Variants in NTM observed in about 807,000 individuals in gnomAD.
NTM encodes the protein IgLON family member 2.
NTM carries 13 observed loss-of-function variants against 42.1 expected under a neutral mutation model. The ratio of observed to expected loss-of-function variants is 0.31; its 90% CI spans 0.20 to 0.49. The LOEUF (loss-of-function observed/expected upper bound fraction) is 0.49. Ranked by LOEUF, NTM falls within the 20% of genes least tolerant of loss-of-function variation. The pLI, the probability that NTM is intolerant of heterozygous loss-of-function variation, is 0.99. For synonymous variants in NTM, 187 were observed against 179.2 expected (o/e 1.04, Z -0.35); for missense variants, 373 against 452.8 (o/e 0.82, Z 1.60).
rs187688068 is a variant in NTM, at chr11:132,061,863, T to G, written c.168-84419T>G. 5.3e-3 allele frequency among the ~76,000 whole-genome samples: 809 copies of G among 152,264 alleles called. 5 individuals carry two copies. Among genetic ancestry groups the G allele is most frequent in the African/African-American group, 0.019 (772 of 41,550 alleles). ...CAGGAGCTCCATTTTTTAAAGATTT[T>G]TTTAAAAATTTTCTTTTGTTCAGCA... On this transcript the variant is annotated intron_variant, in intron 2 of 8. Coordinates refer to ENST00000683400, the MANE Select transcript of NTM (RefSeq NM_001352005.2).
intron 1 of NTM, among the ~76,000 whole-genome samples, chr11:131,470,194 T>C (rs777893675): frequency 2.0e-5 from 3 of 152,218 alleles, no homozygotes; most frequent in African/African-American, 4.8e-5. Context: ...GTTCTGCTAT[T>C]AGCCCGGGGT....
intron 1 of NTM, among the ~76,000 whole-genome samples, chr11:131,564,372 A>G (rs1409056390): frequency 1.3e-5 from 2 of 151,576 alleles, no homozygotes; most frequent in Admixed American, 6.6e-5. Context: ...TTTGGTGAGG[A>G]CTCTCTTCCT....
intron 2 of NTM, among the ~76,000 whole-genome samples, chr11:132,019,455 A>G (rs1003390373): frequency 2.6e-5 from 4 of 151,562 alleles, no homozygotes; most frequent in African/African-American, 4.8e-5. Flanking sequence ...TTTTCTTTCA[A>G]TTTTGTCAGG....
intron 1 of NTM, among the ~76,000 whole-genome samples, chr11:131,838,231 C>T (rs1421092163): frequency 2.0e-5 from 3 of 152,118 alleles, no homozygotes; most frequent in Non-Finnish European, 4.4e-5. Flanking sequence ...GCTCAGTGAT[C>T]ACTCATCCCG....
At chr11:131,598,755 C>CTTTCTTCT (rs201769252) in intron 1 of NTM, among the ~76,000 whole-genome samples, 17 of 31,096 alleles carry the variant, frequency 5.5e-4, no homozygotes, top group African/African-American at 1.6e-3. Context: ...TTCTTTCTTT[C>CTTTCTTCT]TTCTTTCTTT....
chr11:132,055,233 G>T (rs1271936355), intron 2 of NTM, among the ~76,000 whole-genome samples: 1 of 152,112 alleles, frequency 6.6e-6, no homozygotes, highest in Non-Finnish European at 1.5e-5. Context: ...GATAATGAAC[G>T]CAGCTGTTCC....
At chr11:131,917,301 C>T (rs1263189574) in intron 2 of NTM, among the ~76,000 whole-genome samples, 3 of 152,200 alleles carry the variant, frequency 2.0e-5, no homozygotes, top group Non-Finnish European at 4.4e-5. Context: ...TTGTGTTGTC[C>T]TTGCCTTGGG....
chr11:131,632,200 T>A (rs2063724084), intron 1 of NTM, among the ~76,000 whole-genome samples: 1 of 152,152 alleles, frequency 6.6e-6, no homozygotes, highest in Admixed American at 6.5e-5. Context: ...TTAAGTTGGA[T>A]TTGCTCTATA....
chr11:131,938,448 G>C (rs914703678), intron 2 of NTM, among the ~76,000 whole-genome samples: 1 of 152,262 alleles, frequency 6.6e-6, no homozygotes, highest in African/African-American at 2.4e-5. Flanking sequence ...TGATCACAGT[G>C]CTAAGCATGA....
chr11:131,573,512 G>C (rs1235481979), intron 1 of NTM: 1 of 152,164 alleles, frequency 6.6e-6, no homozygotes, highest in Non-Finnish European at 1.5e-5. Flanking sequence ...TTGTTGGGTA[G>C]AAACAGAATT....
In NTM at chr11:131,675,624, A is replaced by G. The variant is rs144512221; in HGVS notation, c.83-235940A>G. On this transcript the variant is annotated intron_variant, in intron 1 of 8. Transcript: ENST00000683400. ...GCTTACTCGAGTTCTCGCAGCTGCT[A>G]TATCCTAGAGGAGACCAAATTCACA... Among the ~76,000 whole-genome samples, 7 of 152,270 alleles carry G rather than the reference A, an allele frequency of 4.6e-5. No homozygotes were observed. The East Asian group carries it at 9.7e-4, about 21-fold the overall frequency.
chr11:132,073,361 G>A (rs766511431), intron 2 of NTM, among the ~76,000 whole-genome samples: 8 of 152,328 alleles, frequency 5.3e-5, no homozygotes, highest in Non-Finnish European at 8.8e-5. Flanking sequence ...GTGACTTAAT[G>A]AAGCAATATT....
chr11:131,554,766 T>C (rs960299062), intron 1 of NTM, among the ~76,000 whole-genome samples: 3 of 152,296 alleles, frequency 2.0e-5, no homozygotes, highest in African/African-American at 7.2e-5. Flanking sequence ...TGAAATCACC[T>C]GGATTTTTCC....
intron 1 of NTM, among the ~76,000 whole-genome samples, chr11:131,864,209 A>G (rs1030171691): frequency 1.3e-5 from 2 of 152,210 alleles, no homozygotes; most frequent in African/African-American, 4.8e-5. Flanking sequence ...GAAAAGGGGC[A>G]GGGGAGAAAA....
At chr11:131,999,273 T>A (rs1268199002) in intron 2 of NTM, among the ~76,000 whole-genome samples, 1 of 152,124 alleles carries the variant, frequency 6.6e-6, no homozygotes, top group African/African-American at 2.4e-5. Flanking sequence ...CACGTGTGCT[T>A]GTGGGAGTAC....
At chr11:131,686,888 C>G (rs1307895324) in intron 1 of NTM, among the ~76,000 whole-genome samples, 1 of 152,196 alleles carries the variant, frequency 6.6e-6, no homozygotes, top group Non-Finnish European at 1.5e-5. Flanking sequence ...GTTCCATCTG[C>G]TGGAAATGCT....
Position 131,660,190 on chromosome 11 carries a change from G to A in NTM, c.83-251374G>A, listed in dbSNP as rs145473182. ...TCTCAAAGTGTCCCGTAGGACTCGG[G>A]TGGGCCAGTTTGCATCATGTATTGA... is the stretch of plus-strand genomic sequence containing the variant. On this transcript the variant is annotated intron_variant, in intron 1 of 8. Coordinates refer to ENST00000683400, the MANE Select transcript of NTM (RefSeq NM_001352005.2). The A allele has an allele frequency of 2.5e-3, 628 of 252,966 alleles. 5 individuals carry two copies. The highest frequency in any genetic ancestry group is 0.013 in the African/African-American group (572 of 45,760). The allele number at this position is 252,966 out of a possible 1,614,324, so 15.7% of individuals were successfully genotyped here.
intron 3 of NTM, among the ~76,000 whole-genome samples, chr11:132,168,371 T>C (rs1328580294): frequency 6.6e-6 from 1 of 152,182 alleles, no homozygotes; most frequent in Admixed American, 6.5e-5. Context: ...ACTTGGTCCA[T>C]TTGCCTCTAC....
chr11:132,247,147 T>G (rs1006582553), intron 4 of NTM, among the ~76,000 whole-genome samples: 2 of 152,174 alleles, frequency 1.3e-5, no homozygotes. Flanking sequence ...GAACTTGACA[T>G]GCACACATCT....
Sources: gnomAD v4.1 joint callset for allele counts (sites outside exome capture counted in the v4.1 genomes callset) on GRCh38, gnomAD v4.1.1 for gene constraint, MANE v1.5 for transcripts, NCBI Gene and HGNC (gene_info 2026-07-23, HGNC 2026-07-21) for gene names.